Variants in REV3L observed in about 807,000 individuals in gnomAD.
REV3L encodes DNA polymerase zeta catalytic subunit.
Under a neutral mutation model 299.4 loss-of-function variants are expected in REV3L, and 69 were observed. The ratio of observed to expected loss-of-function variants is 0.23; its 90% CI spans 0.19 to 0.28. The LOEUF is 0.28. Ranked by LOEUF, REV3L falls within the 10% of genes least tolerant of loss-of-function variation. The pLI, the probability that REV3L is intolerant of heterozygous loss-of-function variation, is 1.00. For missense variants in REV3L, 3,128 were observed against 3,693.8 expected (o/e 0.85, Z 3.97); for synonymous variants, 1,238 against 1,271.4 (o/e 0.97, Z 0.56).
rs758886060 is a variant in REV3L, at chr6:111,387,770, C to A, written c.1091G>T (p.Ser364Ile). Residue 364 changes from serine to isoleucine, a missense_variant, in exon 9 of 32, where the codon AGC (serine) becomes ATC (isoleucine). This residue lies in a region of REV3L where 2,409 missense variants were observed against 2,611.8 expected (regional missense o/e 0.92). Coordinates refer to ENST00000368802, the MANE Select transcript of REV3L (RefSeq NM_001372078.1). ...ACATGAAAAGAAAATCTTACCTTTGCTTGACTCTTTGTCTTTGTGAACTTC... is the reference window on the plus strand; with the variant it reads ...ACATGAAAAGAAAATCTTACCTTTGATTGACTCTTTGTCTTTGTGAACTTC... ...MVEVHKDKES[S>I]KGHTRHKVEE... 2 of 1,613,714 alleles carry A rather than the reference C, an allele frequency of 1.2e-6. No individual in the cohort carries two copies. Among genetic ancestry groups the A allele is most frequent in the South Asian group, 1.1e-5 (1 of 91,064 alleles).
At chr6:111,351,900 T>G in intron 18 of REV3L, 109 bp from the exon 19 acceptor site, 1 of 650,640 alleles carries the variant, frequency 1.5e-6, no homozygotes, top group Non-Finnish European at 2.6e-6. Context: ...CTATGTTCTC[T>G]AACGGTGCCC....
intron 21 of REV3L, among the ~76,000 whole-genome samples, chr6:111,338,311 C>CTT (rs1776115188): frequency 1.0e-4 from 5 of 49,034 alleles, no homozygotes; most frequent in Admixed American, 2.3e-4. Flanking sequence ...AGTCTAAAGT[C>CTT]CTTTTTTTTT....
chr6:111,453,594 C>T (rs1288626083), intron 1 of REV3L, among the ~76,000 whole-genome samples: 1 of 152,182 alleles, frequency 6.6e-6, no homozygotes, highest in Non-Finnish European at 1.5e-5. Flanking sequence ...CCACTATATA[C>T]TGCTTAGTAG....
Position 111,318,280 on chromosome 6 carries a change from G to C in REV3L, c.8352-2899C>G, listed in dbSNP as rs1582486091. Among the ~76,000 whole-genome samples the C allele has an allele frequency of 2.6e-5, 4 of 151,690 alleles. No individual in the cohort carries two copies. In the Middle Eastern group the frequency reaches 0.014, roughly 519 times the overall value. ...TTTTTTGTATTTTTAGTAGAGACGG[G>C]GTTTCACCGTGTTAGCCAGGATGGT... is the stretch of plus-strand genomic sequence containing the variant. On this transcript the variant is annotated intron_variant, in intron 26 of 31. Coordinates refer to ENST00000368802, the MANE Select transcript of REV3L (RefSeq NM_001372078.1).
At chr6:111,431,080 A>C in intron 1 of REV3L, 2 of 1,499,300 alleles carry the variant, frequency 1.3e-6, no homozygotes, top group South Asian at 2.3e-5. Context: ...CACATATGCA[A>C]ATATCAACAA....
intron 26 of REV3L, 171 bp from the exon 27 acceptor site, chr6:111,315,552 T>G (rs948414395): frequency 8.5e-6 from 5 of 588,592 alleles, no homozygotes; most frequent in Non-Finnish European, 1.5e-5. Context: ...ATTACTTTCC[T>G]TATGTACTTA....
At chr6:111,326,996 T>C (rs1160346977) in intron 25 of REV3L, among the ~76,000 whole-genome samples, 1 of 152,130 alleles carries the variant, frequency 6.6e-6, no homozygotes, top group Admixed American at 6.5e-5. Context: ...CAGTCATTAA[T>C]CTGAGGATAG....
At position 111,299,991 on chromosome 6, in the gene REV3L, C is replaced by T; in HGVS notation, c.*25G>A. The T allele has an allele frequency of 1.2e-6, 2 of 1,601,086 alleles. No homozygotes were observed. Among genetic ancestry groups the T allele is most frequent in the Middle Eastern group, 1.7e-4 (1 of 6,004 alleles). On this transcript the variant is annotated 3_prime_UTR_variant, in exon 32 of 32. Transcript: ENST00000368802. ...GTGGTAAGCACTGAAAAAAATAGCA[C>T]CTGTAATACTGTGATATTGACAATT...
At chr6:111,348,640 T>G (rs1184999930) in intron 20 of REV3L, among the ~76,000 whole-genome samples, 1 of 152,192 alleles carries the variant, frequency 6.6e-6, no homozygotes, top group Non-Finnish European at 1.5e-5. Context: ...ATATTCAACA[T>G]GTACAACACA....
intron 9 of REV3L, among the ~76,000 whole-genome samples, chr6:111,385,334 G>A (rs1013774787): frequency 1.3e-5 from 2 of 151,996 alleles, no homozygotes; most frequent in African/African-American, 4.8e-5. Context: ...TACATTGTAT[G>A]CCTGTATAAA....
intron 1 of REV3L, among the ~76,000 whole-genome samples, chr6:111,478,683 T>C (rs1316070537): frequency 6.6e-6 from 1 of 151,380 alleles, no homozygotes; most frequent in Non-Finnish European, 1.5e-5. Flanking sequence ...TTTTATAAAA[T>C]ATAAACAATG....
chr6:111,474,700 A>G (rs1393414549), intron 1 of REV3L, among the ~76,000 whole-genome samples: 3 of 152,192 alleles, frequency 2.0e-5, no homozygotes, highest in Non-Finnish European at 4.4e-5. Flanking sequence ...AACAATAACT[A>G]AAGTTAAAAA....
rs1215369471 is a variant in REV3L at position 111,374,139 on chromosome 6, A to C, written c.4216T>G (p.Ser1406Ala). The C allele has an allele frequency of 4.3e-6, 7 of 1,614,044 alleles. No individual in the cohort carries two copies. Among genetic ancestry groups the C allele is most frequent in the East Asian group, 4.5e-5 (2 of 44,872 alleles). ...SIGKLSEYRNSLESKLDQAYT... is the reference protein window; with the variant it reads ...SIGKLSEYRNALESKLDQAYT... ...GCTTGGTCCAGCTTTGATTCTAGGG[A>C]ATTGCGATATTCACTTAACTTTCCG... Residue 1406 changes from serine (S) to alanine (A), a missense_variant, in exon 13 of 32, where the codon TCC becomes GCC. Ser to Ala is a moderately conservative substitution (Grantham distance 99, BLOSUM62 1). This residue lies in a region of REV3L where 2,409 missense variants were observed against 2,611.8 expected (regional missense o/e 0.92). Transcript: ENST00000368802.
intron 1 of REV3L, among the ~76,000 whole-genome samples, chr6:111,464,158 T>G (rs910973443): frequency 6.6e-6 from 1 of 151,954 alleles, no homozygotes; most frequent in East Asian, 1.9e-4. Flanking sequence ...AATATGTTAG[T>G]TCCCATATAC....
intron 1 of REV3L, among the ~76,000 whole-genome samples, chr6:111,466,995 C>G (rs187336202): frequency 6.6e-6 from 1 of 152,080 alleles, no homozygotes; most frequent in Non-Finnish European, 1.5e-5. Context: ...ATAAAGCAGA[C>G]GCTAAAGAAT....
At chr6:111,363,395 T>C (rs1303240995) in intron 16 of REV3L, among the ~76,000 whole-genome samples, 1 of 152,032 alleles carries the variant, frequency 6.6e-6, no homozygotes, top group Non-Finnish European at 1.5e-5. Flanking sequence ...ACCCTCGAAC[T>C]CCCAGGATCA....
chr6:111,361,402 C>CA (rs67407809), intron 16 of REV3L: 1 of 45,726 alleles, frequency 2.2e-5, no homozygotes, highest in South Asian at 8.2e-4. Flanking sequence ...CAAAAAAAAA[C>CA]AAAAAACACA....
At chr6:111,365,653 CATA>C (rs1779108792) in intron 14 of REV3L, among the ~76,000 whole-genome samples, 1 of 152,076 alleles carries the variant, frequency 6.6e-6, no homozygotes, top group South Asian at 2.1e-4. Flanking sequence ...GAAGAAAAGA[CATA>C]ATCTCTGCCC....
chr6:111,398,775 T>C (rs1782787523), intron 4 of REV3L, among the ~76,000 whole-genome samples: 1 of 152,166 alleles, frequency 6.6e-6, no homozygotes, highest in Non-Finnish European at 1.5e-5. Flanking sequence ...TTCACTGATT[T>C]TGTACATGAT....
Sources: gnomAD v4.1 joint callset for allele counts (sites outside exome capture counted in the v4.1 genomes callset) on GRCh38, gnomAD v4.1.1 for gene constraint, gnomAD v4.1.1 regional missense constraint, MANE v1.5 for transcripts, NCBI Gene and HGNC (gene_info 2026-07-23, HGNC 2026-07-21) for gene names.